PPP3CB: variants seen among roughly 807,000 people sequenced by gnomAD.
PPP3CB encodes serine/threonine-protein phosphatase 2B catalytic subunit beta isoform.
In PPP3CB, 8 loss-of-function variants were observed where a neutral mutation model predicts 66.4. The ratio of observed to expected loss-of-function variants is 0.12; its 90% CI spans 0.07 to 0.22. The LOEUF (loss-of-function observed/expected upper bound fraction) is 0.22. Ranked by LOEUF, PPP3CB falls within the 10% of genes least tolerant of loss-of-function variation. The probability of loss-of-function intolerance (pLI) is 1.00; values close to 1 mark genes in which losing one functional copy is unlikely to be tolerated. For missense variants in PPP3CB, 319 were observed against 642.5 expected, an observed-to-expected ratio of 0.50 and a Z score of 5.44; for synonymous variants, 208 against 221.2, an observed-to-expected ratio of 0.94 and a Z score of 0.53.
At chr10:73,446,690 C>T in intron 10 of PPP3CB, 117 bp from the exon 11 acceptor site, 1 of 909,458 alleles carries the variant, frequency 1.1e-6, no homozygotes. Flanking sequence ...CTGCCACCAG[C>T]TTACATGGAG....
At chr10:73,481,274 C>G (rs866544412) in intron 1 of PPP3CB, among the ~76,000 whole-genome samples, 1 of 150,582 alleles carries the variant, frequency 6.6e-6, no homozygotes, top group Admixed American at 6.6e-5. Context: ...GAGTTCAAGA[C>G]CAGCCTGGCC....
At chr10:73,468,683 A>C (rs2056657141) in intron 8 of PPP3CB, among the ~76,000 whole-genome samples, 1 of 152,166 alleles carries the variant, frequency 6.6e-6, no homozygotes. Context: ...AACATTTGTG[A>C]TTGTGGCTAA....
intron 1 of PPP3CB, among the ~76,000 whole-genome samples, chr10:73,490,726 TTCCCTC>T (rs1214953314): frequency 6.6e-6 from 1 of 152,162 alleles, no homozygotes; most frequent in Non-Finnish European, 1.5e-5. Context: ...TACCATAGTG[TTCCCTC>T]TCCCTCTCCC....
chr10:73,462,734 G>A (rs1431033552), intron 9 of PPP3CB, among the ~76,000 whole-genome samples: 1 of 151,982 alleles, frequency 6.6e-6, no homozygotes, highest in Non-Finnish European at 1.5e-5. Context: ...CGGATCACTT[G>A]AGGTCAGGGG....
intron 5 of PPP3CB, 119 bp downstream of exon 5, chr10:73,471,349 C>G: frequency 7.4e-7 from 1 of 1,349,978 alleles, no homozygotes; most frequent in Non-Finnish European, 1.0e-6. Context: ...CTTAAGATAT[C>G]AGTATACTAA....
chr10:73,439,863 TGA>T lies in PPP3CB; in HGVS notation c.1396+7_1396+8del. On this transcript the variant is annotated splice_region_variant and intron_variant, in intron 13 of 13. Transcript: ENST00000360663. ...AGATCTCTGCCCAGCACAAGGACTC[TGA>T]TCATACCTTTTTCAGCCTCAATAGC... The T allele has an allele frequency of 2.5e-6, 4 of 1,612,980 alleles. No homozygotes were observed. Among genetic ancestry groups the T allele is most frequent in the Non-Finnish European group, 3.4e-6 (4 of 1,179,162 alleles).
chr10:73,492,874 C>T (rs2057100594), intron 1 of PPP3CB, among the ~76,000 whole-genome samples: 1 of 152,198 alleles, frequency 6.6e-6, no homozygotes, highest in African/African-American at 2.4e-5. Context: ...TTTCAGGTAT[C>T]TGATCTTAAA....
At chr10:73,458,363 C>G (rs1164298439) in intron 9 of PPP3CB, among the ~76,000 whole-genome samples, 1 of 152,082 alleles carries the variant, frequency 6.6e-6, no homozygotes, top group Non-Finnish European at 1.5e-5. Context: ...TCTTGAATTC[C>G]TGACCTCAGG....
intron 9 of PPP3CB, among the ~76,000 whole-genome samples, chr10:73,459,192 G>T (rs1399727423): frequency 2.0e-5 from 3 of 150,566 alleles, no homozygotes; most frequent in Non-Finnish European, 3.0e-5. Context: ...CTATACTCAA[G>T]AAAATGAAAA....
Position 73,479,311 on chromosome 10 carries a change from G to C in PPP3CB, c.286+6C>G, listed in dbSNP as rs2056837752. 6.2e-7 allele frequency: 1 copy of C among 1,611,912 alleles called. No homozygotes were observed. Among genetic ancestry groups the C allele is most frequent in the African/African-American group, 1.3e-5 (1 of 74,978 alleles). On this transcript the variant is annotated splice_donor_region_variant and intron_variant, in intron 2 of 13. Transcript: ENST00000360663. Reference sequence around the variant, plus strand: ...AAAATAATACCCAAAACATGAATAAGCTTACCTGTGATTGGAGCTTCTACT... The same window carrying C: ...AAAATAATACCCAAAACATGAATAACCTTACCTGTGATTGGAGCTTCTACT...
chr10:73,443,332 A>AAAGAAAGAAAGAAAG (rs1589682236), intron 12 of PPP3CB, among the ~76,000 whole-genome samples: 2 of 125,474 alleles, frequency 1.6e-5, no homozygotes, highest in Non-Finnish European at 1.8e-5. Context: ...AAGAAAGAAA[A>AAAGAAAGAAAGAAAG]AGAAAGAGAA....
chr10:73,480,407 G>C (rs938731941), intron 1 of PPP3CB, among the ~76,000 whole-genome samples: 1 of 146,100 alleles, frequency 6.8e-6, no homozygotes, highest in African/African-American at 2.5e-5. Flanking sequence ...TTGCATATGT[G>C]TAAAATGTTA....
chr10:73,459,828 G>T (rs985017573), intron 9 of PPP3CB, among the ~76,000 whole-genome samples: 2 of 152,142 alleles, frequency 1.3e-5, no homozygotes, highest in Non-Finnish European at 2.9e-5. Flanking sequence ...AAGAGTGACT[G>T]CTAATGGGCA....
At chr10:73,495,179 T>G (rs2057167567) in intron 1 of PPP3CB, among the ~76,000 whole-genome samples, 1 of 152,208 alleles carries the variant, frequency 6.6e-6, no homozygotes, top group Non-Finnish European at 1.5e-5. Context: ...TTTATGCTGC[T>G]TTTTCTCCCT....
intron 10 of PPP3CB, among the ~76,000 whole-genome samples, chr10:73,452,042 G>A (rs940264923): frequency 3.3e-5 from 5 of 151,172 alleles, no homozygotes; most frequent in South Asian, 4.2e-4. Flanking sequence ...CACCACACCC[G>A]GCTGGAAGCC....
intron 10 of PPP3CB, among the ~76,000 whole-genome samples, chr10:73,452,838 G>C (rs2056368588): frequency 1.3e-5 from 2 of 152,098 alleles, no homozygotes; most frequent in South Asian, 4.1e-4. Flanking sequence ...GCACATCTCT[G>C]CCTACCACTA....
At chr10:73,444,204 T>C (rs2056209360) in intron 12 of PPP3CB, 1 of 167,806 alleles carries the variant, frequency 6.0e-6, no homozygotes, top group Non-Finnish European at 1.3e-5. Flanking sequence ...TACAAAACCT[T>C]GCACAAATCT....
chr10:73,486,739 A>G (rs1448274055), intron 1 of PPP3CB, among the ~76,000 whole-genome samples: 1 of 152,216 alleles, frequency 6.6e-6, no homozygotes, highest in Admixed American at 6.5e-5. Context: ...CATTCCACTA[A>G]TCTCAGTGGA....
chr10:73,468,378 T>C (rs1358593997), intron 8 of PPP3CB, among the ~76,000 whole-genome samples: 1 of 152,182 alleles, frequency 6.6e-6, no homozygotes, highest in African/African-American at 2.4e-5. Flanking sequence ...ATGACCTACA[T>C]AGATTTCAGT....
Sources: gnomAD v4.1 joint callset for allele counts (sites outside exome capture counted in the v4.1 genomes callset) on GRCh38, gnomAD v4.1.1 for gene constraint, MANE v1.5 for transcripts, NCBI Gene and HGNC (gene_info 2026-07-23, HGNC 2026-07-21) for gene names.